Variants in VGLL3 observed in about 807,000 individuals in gnomAD.
The protein encoded by VGLL3 is transcription cofactor vestigial-like protein 3.
A neutral mutation model predicts 29.2 loss-of-function variants in VGLL3; 18 were observed. That is an observed-to-expected ratio of 0.62 (90% CI 0.43 to 0.91). The LOEUF is 0.91. Ranked by LOEUF, VGLL3 falls within the 40% of genes least tolerant of loss-of-function variation. The pLI, the probability that VGLL3 is intolerant of heterozygous loss-of-function variation, is 0.00. For synonymous variants in VGLL3, 180 were observed against 151.8 expected, an observed-to-expected ratio of 1.19 and a Z score of -1.36; for missense variants, 440 against 413.2, an observed-to-expected ratio of 1.06 and a Z score of -0.56.
In VGLL3 at chr3:86,990,701, C is replaced by T; in HGVS notation, c.43G>A (p.Ala15Thr). Residue 15 changes from alanine to threonine, a missense_variant, in exon 1 of 4, where the codon GCG becomes ACG. By Grantham distance (58) the Ala-to-Thr change is moderately conservative. Transcript: ENST00000398399. ...EVMYHPQPYG[A>T]SQYLPNPMAA... is the part of the protein sequence containing the mutation. ...ATGGGGTTGGGCAGATACTGGGACG[C>T]TCCATAAGGCTGGGGGTGATACATC... 7.0e-7 allele frequency: 1 copy of T among 1,432,284 alleles called. No homozygotes were observed. Among genetic ancestry groups the T allele is most frequent in the Non-Finnish European group, 9.2e-7 (1 of 1,092,724 alleles). The allele number at this position is 1,432,284 out of a possible 1,614,324, so 88.7% of individuals were successfully genotyped here.
intron 3 of VGLL3, among the ~76,000 whole-genome samples, chr3:86,955,930 G>A (rs1356842422): frequency 1.3e-5 from 2 of 152,124 alleles, no homozygotes; most frequent in South Asian, 4.1e-4. Flanking sequence ...AAAATACCTA[G>A]CATATTTTGC....
intron 1 of VGLL3, among the ~76,000 whole-genome samples, chr3:86,979,764 T>G (rs192806085): frequency 1.4e-4 from 22 of 152,164 alleles, no homozygotes; most frequent in Admixed American, 1.3e-3. Flanking sequence ...CATACAGGTA[T>G]AGACATGTGT....
intron 2 of VGLL3, among the ~76,000 whole-genome samples, chr3:86,975,922 G>T (rs1195857960): frequency 1.3e-5 from 2 of 152,066 alleles, no homozygotes; most frequent in African/African-American, 4.8e-5. Context: ...GACCAGCCTG[G>T]CCAACATGGT....
Position 86,969,012 on chromosome 3 carries a change from A to C in VGLL3, c.515T>G (p.Val172Gly). The change falls in exon 3 of 4, where the codon GTC (valine) becomes GGC (glycine). Residue 172 changes from valine to glycine, a missense_variant. By Grantham distance (109) the Val-to-Gly change is moderately radical. Coordinates refer to ENST00000398399, the MANE Select transcript of VGLL3 (RefSeq NM_016206.4). ...CLGGVHPDFQ[V>G]TGPPGTFSAA... is the part of the protein sequence containing the mutation. ...AGAAAAGGTGCCAGGGGGTCCAGTGACCTGGAAGTCAGGATGAACTCCCCC... is the reference window on the plus strand; with the variant it reads ...AGAAAAGGTGCCAGGGGGTCCAGTGCCCTGGAAGTCAGGATGAACTCCCCC... The C allele has an allele frequency of 6.2e-7, 1 of 1,614,126 alleles. No homozygotes were observed. Among genetic ancestry groups the C allele is most frequent in the Non-Finnish European group, 8.5e-7 (1 of 1,180,024 alleles).
At chr3:86,965,017 C>T (rs2107005606) in intron 3 of VGLL3, among the ~76,000 whole-genome samples, 1 of 152,044 alleles carries the variant, frequency 6.6e-6, no homozygotes, top group Admixed American at 6.6e-5. Context: ...ATTAGCCGGG[C>T]ATAGTGGCAT....
At chr3:86,948,996 T>A (rs563037698) in intron 3 of VGLL3, among the ~76,000 whole-genome samples, 71 of 152,298 alleles carry the variant, frequency 4.7e-4, no homozygotes, top group Admixed American at 2.0e-3. Flanking sequence ...TTTTTAATTA[T>A]TAAAACATCT....
At chr3:86,959,678 C>T (rs1293892193) in intron 3 of VGLL3, among the ~76,000 whole-genome samples, 1 of 151,984 alleles carries the variant, frequency 6.6e-6, no homozygotes, top group East Asian at 1.9e-4. Flanking sequence ...TTCCTTTAGT[C>T]CTTTTTGTAA....
At position 86,990,642 on chromosome 3, in the gene VGLL3, C is replaced by T. The variant is rs199952484; in HGVS notation, c.102G>A (p.Gln34=). 1 of 1,378,192 alleles carries T rather than the reference C, an allele frequency of 7.3e-7. No homozygotes were observed. Among genetic ancestry groups the T allele is most frequent in the Non-Finnish European group, 9.4e-7 (1 of 1,058,396 alleles). The allele number at this position is 1,378,192 out of a possible 1,614,324, so 85.4% of individuals were successfully genotyped here. A position where few individuals can be genotyped will look rare whatever the true frequency, so the allele number is the denominator to read the frequency against. ...AATTCPTAYY[Q]PAPQPGQQKK... is the part of the protein sequence containing the mutation. ...CCTGCTGGCCAGGTTGGGGCGCCGGCTGATAGTAGGCTGTGGGGCAGGTTG... is the reference window on the plus strand; with the variant it reads ...CCTGCTGGCCAGGTTGGGGCGCCGGTTGATAGTAGGCTGTGGGGCAGGTTG... Residue 34 remains glutamine (Q), a synonymous_variant, in exon 1 of 4, where the codon CAG becomes CAA. Transcript: ENST00000398399.
chr3:86,970,730 A>G (rs1366524038), intron 2 of VGLL3, among the ~76,000 whole-genome samples: 1 of 152,116 alleles, frequency 6.6e-6, no homozygotes, highest in Non-Finnish European at 1.5e-5. Flanking sequence ...CCGTTTGTGG[A>G]AAGATCAGTG....
intron 3 of VGLL3, among the ~76,000 whole-genome samples, chr3:86,948,623 A>G (rs1310114144): frequency 6.6e-6 from 1 of 152,194 alleles, no homozygotes; most frequent in African/African-American, 2.4e-5. Flanking sequence ...TCATAAAATT[A>G]CAAGTCGCAA....
intron 3 of VGLL3, among the ~76,000 whole-genome samples, chr3:86,951,700 C>T (rs1704621332): frequency 2.0e-5 from 3 of 150,838 alleles, no homozygotes; most frequent in Admixed American, 2.0e-4. Flanking sequence ...AGACTCCCCC[C>T]TCTTTAGTTT....
intron 3 of VGLL3, among the ~76,000 whole-genome samples, chr3:86,965,303 T>C (rs1410258871): frequency 1.3e-5 from 2 of 152,214 alleles, no homozygotes; most frequent in African/African-American, 4.8e-5. Context: ...TGAGAAGTTT[T>C]ATGACTGTAT....
intron 3 of VGLL3, among the ~76,000 whole-genome samples, chr3:86,958,958 C>T (rs903354749): frequency 1.3e-5 from 2 of 152,040 alleles, no homozygotes; most frequent in African/African-American, 2.4e-5. Context: ...GTGAAGCAAT[C>T]GGGTGTTGAT....
At position 86,962,440 on chromosome 3, in the gene VGLL3, C is replaced by T. The variant is rs190983232; in HGVS notation, c.937+6150G>A. Reference sequence around the variant, plus strand: ...CTGTCCTCACCACCACTCAGCCCTTCGGAAAAAATGGACCACCTTACTTCA... The same window carrying T: ...CTGTCCTCACCACCACTCAGCCCTTTGGAAAAAATGGACCACCTTACTTCA... On this transcript the variant is annotated intron_variant, in intron 3 of 3. Transcript: ENST00000398399. 478 of 985,192 alleles carry T rather than the reference C, an allele frequency of 4.9e-4. 5 individuals are homozygous for T. In the African/African-American group the frequency reaches 7.4e-3, roughly 15 times the overall value. The allele number at this position is 985,192 out of a possible 1,614,324, so 61.0% of individuals were successfully genotyped here. A position where few individuals can be genotyped will look rare whatever the true frequency, so the allele number is the denominator to read the frequency against.
intron 2 of VGLL3, among the ~76,000 whole-genome samples, chr3:86,971,528 A>C (rs1266268920): frequency 6.6e-6 from 1 of 152,210 alleles, no homozygotes; most frequent in African/African-American, 2.4e-5. Flanking sequence ...TCTTCAAACA[A>C]CCTCAGGAAA....
Position 86,945,318 on chromosome 3 carries a change from C to T in VGLL3, c.*1706G>A, listed in dbSNP as rs1343803862. On this transcript the variant is annotated 3_prime_UTR_variant, in exon 4 of 4. Coordinates refer to ENST00000398399, the MANE Select transcript of VGLL3 (RefSeq NM_016206.4). ...AATTATCTATGAGAACTCTGCCTAG[C>T]TGAACATGTCATGTTCATGTCTAAA... 1 of 152,090 alleles carries T rather than the reference C, an allele frequency of 6.6e-6. No homozygotes were observed. The highest frequency in any genetic ancestry group is 6.5e-5 in the Admixed American group (1 of 15,268). The allele number at this position is 152,090 out of a possible 1,614,324, so 9.4% of individuals were successfully genotyped here.
chr3:86,959,143 A>G (rs112781292), intron 3 of VGLL3, among the ~76,000 whole-genome samples: 78 of 152,286 alleles, frequency 5.1e-4, no homozygotes, highest in African/African-American at 1.8e-3. Flanking sequence ...CAAGGTAGGT[A>G]CACAAAATTC....
chr3:86,976,931 G>A (rs1705221514), intron 2 of VGLL3, among the ~76,000 whole-genome samples: 1 of 152,104 alleles, frequency 6.6e-6, no homozygotes. Context: ...ACTCACTAAT[G>A]TTTTCCTATT....
intron 3 of VGLL3, among the ~76,000 whole-genome samples, chr3:86,949,785 C>G (rs1460867679): frequency 2.0e-5 from 3 of 148,966 alleles, no homozygotes; most frequent in African/African-American, 7.5e-5. Context: ...CGAGATCATG[C>G]CACTGCACTC....
Sources: gnomAD v4.1 joint callset for allele counts (sites outside exome capture counted in the v4.1 genomes callset) on GRCh38, gnomAD v4.1.1 for gene constraint, MANE v1.5 for transcripts, NCBI Gene and HGNC (gene_info 2026-07-23, HGNC 2026-07-21) for gene names.